Variants in AFF2 observed in about 807,000 individuals in gnomAD.
The protein encoded by AFF2 is AF4/FMR2 family member 2.
In AFF2, 14 loss-of-function variants were observed where a neutral mutation model predicts 76.9. The observed-to-expected ratio is 0.18, with a 90% CI of 0.12 to 0.28. The LOEUF is 0.28. Among genes scored for constraint, AFF2 ranks in the 10% least tolerant of loss-of-function variants. The pLI is 1.00. For synonymous variants in AFF2, 398 were observed against 366.7 expected (o/e 1.09, Z -0.98); for missense variants, 868 against 1,001.1 (o/e 0.87, Z 1.79).
intron 1 of AFF2, among the ~76,000 whole-genome samples, chrX:148,501,414 G>A (rs782569597): frequency 2.0e-4 from 23 of 112,708 alleles, no homozygotes; most frequent in African/African-American, 7.1e-4. Context: ...CATCGAATTC[G>A]GTGCCGCCCG....
intron 1 of AFF2, among the ~76,000 whole-genome samples, chrX:148,650,555 T>C (rs1423127547): frequency 8.9e-6 from 1 of 112,304 alleles, no homozygotes; most frequent in Non-Finnish European, 1.9e-5. Flanking sequence ...GAAAGTGTAA[T>C]GTGCATTTAA....
intron 3 of AFF2, among the ~76,000 whole-genome samples, chrX:148,736,665 G>A (rs1488207255): frequency 4.5e-5 from 5 of 111,566 alleles, no homozygotes; most frequent in African/African-American, 1.6e-4. Context: ...TTTGCTTTGG[G>A]TTCTTGGTCA....
intron 1 of AFF2, among the ~76,000 whole-genome samples, chrX:148,584,128 C>T (rs2053442148): frequency 9.0e-6 from 1 of 111,240 alleles, no homozygotes; most frequent in Non-Finnish European, 1.9e-5. Flanking sequence ...AAAAAAAACA[C>T]TGTGAAACAT....
chrX:148,726,718 CTTCTTAAG>C (rs1159195483), intron 3 of AFF2, among the ~76,000 whole-genome samples: 3 of 111,943 alleles, frequency 2.7e-5, no homozygotes, highest in Admixed American at 1.9e-4. Context: ...AGGTGGCTTC[CTTCTTAAG>C]TTTTTGTATG....
intron 3 of AFF2, among the ~76,000 whole-genome samples, chrX:148,705,443 C>A (rs1262331813): frequency 8.9e-6 from 1 of 112,128 alleles, no homozygotes; most frequent in African/African-American, 3.2e-5. Context: ...GGGCAGTGAT[C>A]ACGTTGCAGT....
intron 3 of AFF2, chrX:148,719,058 A>C (rs1406554722): frequency 2.8e-6 from 3 of 1,060,861 alleles, no homozygotes; most frequent in East Asian, 3.4e-5. Context: ...GTGATTCCAC[A>C]ACAGTTTTGG....
intron 1 of AFF2, among the ~76,000 whole-genome samples, chrX:148,539,956 G>C (rs1794832614): frequency 9.0e-6 from 1 of 111,382 alleles, no homozygotes; most frequent in Non-Finnish European, 1.9e-5. Context: ...TTTGGTCTTA[G>C]AGTATGTCTG....
At position 148,539,474 on chromosome X, in the gene AFF2, G is replaced by C. The variant is rs782760402; in HGVS notation, c.47+38330G>C. ...ATTATACAGGCAAATAATAATGTCTGACATTGATTAGGTGTTCAGCACATG... is the reference window on the plus strand; with the variant it reads ...ATTATACAGGCAAATAATAATGTCTCACATTGATTAGGTGTTCAGCACATG... On this transcript the variant is annotated intron_variant, in intron 1 of 20. Transcript: ENST00000370460. Among the ~76,000 whole-genome samples the C allele has an allele frequency of 2.7e-5, 3 of 110,875 alleles. No homozygotes were observed. The Admixed American group carries it at 2.9e-4, about 11-fold the overall frequency.
intron 3 of AFF2, among the ~76,000 whole-genome samples, chrX:148,795,628 C>A (rs1183887329): frequency 9.9e-6 from 1 of 100,854 alleles, no homozygotes; most frequent in African/African-American, 3.6e-5. Context: ...CGGTGAAACC[C>A]TGACTCTACT....
At chrX:148,678,800 A>T (rs241125) in intron 3 of AFF2, among the ~76,000 whole-genome samples, 50,807 of 110,634 alleles carry the variant, frequency 0.46, 10,176 homozygotes, top group African/African-American at 0.77. Flanking sequence ...ATAAATATGT[A>T]CATTTCACCT....
At chrX:148,970,020 G>A (rs2072230529) in intron 15 of AFF2, among the ~76,000 whole-genome samples, 1 of 111,744 alleles carries the variant, frequency 8.9e-6, no homozygotes, top group Admixed American at 9.5e-5. Context: ...GATCTCTCCA[G>A]CTATTGGGTT....
At chrX:148,626,217 C>A (rs781864496) in intron 1 of AFF2, among the ~76,000 whole-genome samples, 62 of 110,383 alleles carry the variant, frequency 5.6e-4, no homozygotes, top group African/African-American at 1.9e-3. Context: ...CAGCATCTCT[C>A]TACCATTTAC....
chrX:148,633,070 T>C (rs1557253246), intron 1 of AFF2, among the ~76,000 whole-genome samples: 2 of 112,030 alleles, frequency 1.8e-5, no homozygotes, highest in African/African-American at 6.5e-5. Flanking sequence ...TCAAGAGTCA[T>C]TTATAGTATA....
intron 7 of AFF2, among the ~76,000 whole-genome samples, chrX:148,876,476 G>A (rs1290414598): frequency 8.9e-6 from 1 of 111,823 alleles, no homozygotes; most frequent in Non-Finnish European, 1.9e-5. Flanking sequence ...GACCCAACAT[G>A]TTACATGATG....
Position 148,967,036 on chromosome X carries a change from A to G in AFF2, c.3160A>G (p.Ser1054Gly), listed in dbSNP as rs2072187339. The change falls in exon 14 of 21, where the codon AGC becomes GGC. Residue 1054 changes from serine (S) to glycine (G), a missense_variant. Ser to Gly is a moderately conservative substitution (Grantham distance 56, BLOSUM62 0). Coordinates refer to ENST00000370460, the MANE Select transcript of AFF2 (RefSeq NM_002025.4). ...SWAALPLLSS[S>G]STNVRRPKLT... ...GGCGGCTCTGCCCCTTCTATCCAGC[A>G]GCAGCACTAATGTCCGGAGACCCAA... 8.3e-7 allele frequency: 1 copy of G among 1,211,612 alleles called. No individual in the cohort carries two copies. The highest frequency in any genetic ancestry group is 1.1e-6 in the Non-Finnish European group (1 of 895,541).
intron 3 of AFF2, among the ~76,000 whole-genome samples, chrX:148,728,695 T>C (rs1172686527): frequency 8.9e-6 from 1 of 112,633 alleles, no homozygotes; most frequent in Non-Finnish European, 1.9e-5. Flanking sequence ...CGTGAAATGC[T>C]TTTTGACAGT....
intron 1 of AFF2, among the ~76,000 whole-genome samples, chrX:148,597,802 G>A (rs2053589387): frequency 8.9e-6 from 1 of 112,179 alleles, no homozygotes; most frequent in African/African-American, 3.2e-5. Context: ...GATTACCTTC[G>A]CATAACCACA....
intron 3 of AFF2, among the ~76,000 whole-genome samples, chrX:148,766,352 C>T (rs1557267731): frequency 9.1e-6 from 1 of 110,346 alleles, no homozygotes; most frequent in African/African-American, 3.3e-5. Flanking sequence ...TTCTCCACAT[C>T]GTCTCCAGCA....
intron 1 of AFF2, among the ~76,000 whole-genome samples, chrX:148,572,340 A>G (rs2053238783): frequency 8.9e-6 from 1 of 112,156 alleles, no homozygotes; most frequent in African/African-American, 3.2e-5. Flanking sequence ...ACTGTGGAAA[A>G]CAATTTGGGA....
Sources: gnomAD v4.1 joint callset for allele counts (sites outside exome capture counted in the v4.1 genomes callset) on GRCh38, gnomAD v4.1.1 for gene constraint, MANE v1.5 for transcripts, NCBI Gene and HGNC (gene_info 2026-07-23, HGNC 2026-07-21) for gene names.